Variants in PCDHA1 observed in about 807,000 individuals in gnomAD.
PCDHA1 encodes the protein protocadherin alpha-1.
PCDHA1 carries 42 observed loss-of-function variants against 61.3 expected under a neutral mutation model. That is an observed-to-expected ratio of 0.69 (90% CI 0.54 to 0.89). PCDHA1 has a LOEUF of 0.89. Ranked by LOEUF, PCDHA1 falls within the 40% of genes least tolerant of loss-of-function variation. PCDHA1 has a pLI of 0.00. For synonymous variants in PCDHA1, 610 were observed against 553.8 expected (o/e 1.10, Z -1.43); for missense variants, 1,256 against 1,235.3 (o/e 1.02, Z -0.25).
chr5:140,891,226 C>T (rs1417836006), intron 1 of PCDHA1, among the ~76,000 whole-genome samples: 1 of 152,026 alleles, frequency 6.6e-6, no homozygotes, highest in Admixed American at 6.6e-5. Flanking sequence ...TTATAATCAT[C>T]CTGTTCTGGA....
At chr5:140,969,468 AT>A (rs1264391543) in intron 1 of PCDHA1, 1 of 1,486,422 alleles carries the variant, frequency 6.7e-7, no homozygotes, top group Non-Finnish European at 9.0e-7. Context: ...AGTATCCACA[AT>A]TTGATCATAA....
chr5:140,796,800 G>A, intron 1 of PCDHA1: 1 of 1,614,144 alleles, frequency 6.2e-7, no homozygotes, highest in South Asian at 1.1e-5. Context: ...ACGAGCTTCA[G>A]CTGGGTACTG....
intron 1 of PCDHA1, among the ~76,000 whole-genome samples, chr5:140,963,244 T>C (rs934081934): frequency 6.6e-6 from 1 of 151,988 alleles, no homozygotes; most frequent in Non-Finnish European, 1.5e-5. Flanking sequence ...ATGGATTAGG[T>C]AGGTTTTCAT....
intron 1 of PCDHA1, among the ~76,000 whole-genome samples, chr5:140,939,697 A>G (rs1327140175): frequency 6.6e-6 from 1 of 152,232 alleles, no homozygotes; most frequent in African/African-American, 2.4e-5. Context: ...GCTGGACATT[A>G]TCATTTGTGA....
rs573295166 is a variant in PCDHA1, at chr5:140,801,593, T to A, written c.2394+12909T>A. 1.1e-5 allele frequency: 18 copies of A among 1,614,134 alleles called. No homozygotes were observed. The East Asian group carries it at 4.0e-4, about 36-fold the overall frequency. ...AGGACATTAATGACAACGCGCCAGT[T>A]TTTCCAATGGCTGTAAAGAATCTGT... is the stretch of plus-strand genomic sequence containing the variant. On this transcript the variant is annotated intron_variant, in intron 1 of 3. Transcript: ENST00000504120.
intron 1 of PCDHA1, chr5:140,836,120 G>A (rs2150253260): frequency 1.2e-6 from 2 of 1,613,746 alleles, no homozygotes. Flanking sequence ...CAGTGAGAGA[G>A]CTTGTGCCGC....
At chr5:140,951,876 G>A (rs1554220112) in intron 1 of PCDHA1, among the ~76,000 whole-genome samples, 1 of 152,094 alleles carries the variant, frequency 6.6e-6, no homozygotes, top group East Asian at 1.9e-4. Context: ...CTGAGACAAG[G>A]CAACTCTCTT....
chr5:140,809,263 G>C, intron 1 of PCDHA1: 1 of 1,614,110 alleles, frequency 6.2e-7, no homozygotes, highest in Non-Finnish European at 8.5e-7. Flanking sequence ...CCGATGCTGC[G>C]CTGGTGGATG....
At chr5:140,943,826 GA>G (rs1186583699) in intron 1 of PCDHA1, among the ~76,000 whole-genome samples, 5 of 152,198 alleles carry the variant, frequency 3.3e-5, no homozygotes, top group African/African-American at 1.2e-4. Flanking sequence ...AAAATGAGTT[GA>G]TTGAAGTTGT....
chr5:140,849,905 G>T (rs373526467), intron 1 of PCDHA1: 1 of 1,598,310 alleles, frequency 6.3e-7, no homozygotes, highest in Non-Finnish European at 8.6e-7. Context: ...ACAACCCGCC[G>T]GGCTGCCACA....
intron 1 of PCDHA1, chr5:140,883,596 TG>T (rs1562791192): frequency 7.4e-6 from 12 of 1,613,794 alleles, no homozygotes; most frequent in Non-Finnish European, 1.0e-5. Context: ...AGCGTGTCGG[TG>T]GGGGTGGCCG....
intron 1 of PCDHA1, chr5:140,884,715 AGTT>A: frequency 6.8e-7 from 1 of 1,470,936 alleles, no homozygotes; most frequent in Non-Finnish European, 9.0e-7. Context: ...CCTTCCTTGC[AGTT>A]GTTTGTTTAA....
chr5:140,790,315 G>A (rs1447414620), intron 1 of PCDHA1, among the ~76,000 whole-genome samples: 1 of 152,136 alleles, frequency 6.6e-6, no homozygotes, highest in East Asian at 1.9e-4. Context: ...TATTTCCTAT[G>A]TTTGCTTCTG....
rs782250124 is a variant in PCDHA1, at chr5:140,870,603, C to G, written c.2394+81919C>G. 14 of 1,613,222 alleles carry G rather than the reference C, an allele frequency of 8.7e-6. No individual in the cohort carries two copies. In the Middle Eastern group the frequency reaches 5.0e-4, roughly 58 times the overall value. On this transcript the variant is annotated intron_variant, in intron 1 of 3. Coordinates refer to ENST00000504120, the MANE Select transcript of PCDHA1 (RefSeq NM_018900.4). ...CGCTGGTGGAGCGGCGGTTGGGCGA[C>G]CGCGCGCTGTCGAGCTACGTGTCGG...
intron 1 of PCDHA1, among the ~76,000 whole-genome samples, chr5:140,889,903 A>G (rs2062424264): frequency 6.6e-6 from 1 of 152,126 alleles, no homozygotes; most frequent in African/African-American, 2.4e-5. Flanking sequence ...CTACCTTGAG[A>G]TTGTCATACT....
At chr5:140,830,305 G>T (rs2150184776) in intron 1 of PCDHA1, 2 of 1,613,830 alleles carry the variant, frequency 1.2e-6, no homozygotes, top group Non-Finnish European at 1.7e-6. Flanking sequence ...ACAAGCCCAC[G>T]CTGGTGTGCT....
chr5:140,884,423 AC>A, intron 1 of PCDHA1: 3 of 1,613,932 alleles, frequency 1.9e-6, no homozygotes, highest in Non-Finnish European at 2.5e-6. Flanking sequence ...GCTGCTGTAT[AC>A]TGCGCTGCGG....
At chr5:140,956,009 CTT>C (rs2095247878) in intron 1 of PCDHA1, among the ~76,000 whole-genome samples, 1 of 152,192 alleles carries the variant, frequency 6.6e-6, no homozygotes, top group Non-Finnish European at 1.5e-5. Flanking sequence ...TATCCTGAGA[CTT>C]TGCTGAAGTT....
In PCDHA1 at chr5:140,786,563, T is replaced by C. The variant is rs376884080; in HGVS notation, c.273T>C (p.Asp91=). The part of the protein sequence containing the change: ...NGILFVNSRI[D]REELCQWSAE... ...TTTTGTTTGTGAATTCTCGGATCGA[T>C]CGCGAGGAGCTGTGCCAGTGGAGCG... Residue 91 remains aspartate (D), a synonymous_variant, in exon 1 of 4, where the codon GAT becomes GAC. Transcript: ENST00000504120. 1.9e-6 allele frequency: 3 copies of C among 1,614,090 alleles called. No homozygotes were observed. In the African/African-American group the frequency reaches 4.0e-5, roughly 22 times the overall value.
Sources: gnomAD v4.1 joint callset for allele counts (sites outside exome capture counted in the v4.1 genomes callset) on GRCh38, gnomAD v4.1.1 for gene constraint, MANE v1.5 for transcripts, NCBI Gene and HGNC (gene_info 2026-07-23, HGNC 2026-07-21) for gene names.